Variants in SLC9A9 observed in about 807,000 individuals in gnomAD.
SLC9A9 encodes sodium/hydrogen exchanger 9.
SLC9A9 carries 62 observed loss-of-function variants against 77.8 expected under a neutral mutation model. That is an observed-to-expected ratio of 0.80 (90% confidence interval 0.65 to 0.98). The LOEUF (loss-of-function observed/expected upper bound fraction) is 0.98. Ranked by LOEUF, SLC9A9 falls within the 50% of genes least tolerant of loss-of-function variation. The pLI is 0.00. For missense variants in SLC9A9, 775 were observed against 774.9 expected (o/e 1.00, Z 0.00); for synonymous variants, 320 against 283.5 (o/e 1.13, Z -1.29).
chr3:143,778,341 C>G (rs550135004), intron 4 of SLC9A9, among the ~76,000 whole-genome samples: 1 of 152,292 alleles, frequency 6.6e-6, no homozygotes, highest in Admixed American at 6.5e-5. Context: ...TGTATTAACA[C>G]TACTCAAAAT....
At chr3:143,441,834 TCATCCATC>T (rs796090893) in intron 12 of SLC9A9, among the ~76,000 whole-genome samples, 175 of 129,710 alleles carry the variant, frequency 1.3e-3, no homozygotes, top group African/African-American at 4.4e-3. Flanking sequence ...ATTTACTCAT[TCATCCATC>T]CATCCATCCA....
At chr3:143,391,656 C>A (rs950680654) in intron 12 of SLC9A9, among the ~76,000 whole-genome samples, 3 of 152,150 alleles carry the variant, frequency 2.0e-5, no homozygotes, top group African/African-American at 7.2e-5. Context: ...CTTCTCCGAG[C>A]TAAAGGAGGA....
At chr3:143,445,706 G>A (rs1314408854) in intron 12 of SLC9A9, among the ~76,000 whole-genome samples, 1 of 152,168 alleles carries the variant, frequency 6.6e-6, no homozygotes, top group Non-Finnish European at 1.5e-5. Flanking sequence ...TGTGATATTA[G>A]GACTAGTTCC....
At chr3:143,786,798 G>A (rs1031606401) in intron 4 of SLC9A9, among the ~76,000 whole-genome samples, 3 of 152,204 alleles carry the variant, frequency 2.0e-5, no homozygotes, top group African/African-American at 7.2e-5. Context: ...GTAAATGAAT[G>A]CACAGAGGAA....
chr3:143,460,771 T>C (rs945618038), intron 12 of SLC9A9, among the ~76,000 whole-genome samples: 2 of 152,190 alleles, frequency 1.3e-5, no homozygotes, highest in African/African-American at 4.8e-5. Flanking sequence ...GAACTGCTAA[T>C]TCATAACAAT....
intron 12 of SLC9A9, among the ~76,000 whole-genome samples, chr3:143,403,954 TG>T (rs1006717876): frequency 9.9e-5 from 15 of 152,268 alleles, no homozygotes; most frequent in Non-Finnish European, 1.0e-4. Flanking sequence ...ATTACACACA[TG>T]TTGGTGTTCC....
chr3:143,828,707 G>T (rs966562172), intron 2 of SLC9A9, among the ~76,000 whole-genome samples: 7 of 152,128 alleles, frequency 4.6e-5, no homozygotes, highest in Non-Finnish European at 8.8e-5. Flanking sequence ...TATTCAAAGG[G>T]TAGACGTGAG....
chr3:143,265,842 TAG>T lies in SLC9A9; in HGVS notation c.*858_*859del, dbSNP rs984327748. On this transcript the variant is annotated 3_prime_UTR_variant, in exon 16 of 16. Transcript: ENST00000316549. ...GGCTCCTGCACAGTCTGCTGCCAGG[TAG>T]AGAGCAACACAGGCTGCAGAATCCT... 1.7e-5 allele frequency: 10 copies of T among 591,620 alleles called. No homozygotes were observed. Among genetic ancestry groups the T allele is most frequent in the East Asian group, 2.8e-5 (1 of 35,776 alleles). 36.6% of individuals were successfully genotyped at this position (591,620 alleles called of 1,614,324 possible).
chr3:143,560,608 TTTTAC>T (rs1559968034), intron 8 of SLC9A9, among the ~76,000 whole-genome samples: 1 of 152,152 alleles, frequency 6.6e-6, no homozygotes, highest in African/African-American at 2.4e-5. Flanking sequence ...TTTAAATTTT[TTTTAC>T]TTTACTTTAA....
chr3:143,768,846 T>C (rs2007417444), intron 4 of SLC9A9, among the ~76,000 whole-genome samples: 1 of 152,228 alleles, frequency 6.6e-6, no homozygotes, highest in South Asian at 2.1e-4. Flanking sequence ...CAACAGTGTG[T>C]ATAAATGTTT....
At chr3:143,340,014 C>G (rs868596443) in intron 14 of SLC9A9, among the ~76,000 whole-genome samples, 1 of 152,134 alleles carries the variant, frequency 6.6e-6, no homozygotes, top group Non-Finnish European at 1.5e-5. Flanking sequence ...GAGAACACAA[C>G]ACGAGAACTT....
intron 12 of SLC9A9, among the ~76,000 whole-genome samples, chr3:143,428,855 C>A (rs188202932): frequency 2.0e-5 from 3 of 152,202 alleles, no homozygotes; most frequent in Admixed American, 2.0e-4. Flanking sequence ...ATGTGGAGTC[C>A]AAACAGTTGA....
At chr3:143,732,589 TC>T (rs1934833974) in intron 4 of SLC9A9, among the ~76,000 whole-genome samples, 1 of 152,210 alleles carries the variant, frequency 6.6e-6, no homozygotes, top group Admixed American at 6.5e-5. Flanking sequence ...GAGGACAACC[TC>T]TGACCACTCT....
intron 4 of SLC9A9, among the ~76,000 whole-genome samples, chr3:143,703,378 A>G (rs1653324850): frequency 6.6e-6 from 1 of 151,968 alleles, no homozygotes; most frequent in Non-Finnish European, 1.5e-5. Context: ...TTCTCTGACC[A>G]TAATGGAATA....
intron 5 of SLC9A9, among the ~76,000 whole-genome samples, chr3:143,686,092 C>T (rs1361923318): frequency 1.3e-5 from 2 of 152,156 alleles, no homozygotes; most frequent in Non-Finnish European, 2.9e-5. Context: ...CATGAGACAC[C>T]TCATCCGCGA....
At chr3:143,291,610 C>A (rs990689078) in intron 14 of SLC9A9, among the ~76,000 whole-genome samples, 7 of 152,160 alleles carry the variant, frequency 4.6e-5, no homozygotes, top group Admixed American at 1.3e-4. Flanking sequence ...CAGGAAAGGA[C>A]AAACCCAACT....
At chr3:143,344,701 A>G (rs943707101) in intron 14 of SLC9A9, 13 of 152,212 alleles carry the variant, frequency 8.5e-5, no homozygotes, top group African/African-American at 3.1e-4. Flanking sequence ...TGAGGAGGTA[A>G]CAGAAATGGT....
chr3:143,606,640 C>A (rs528824349), intron 6 of SLC9A9, among the ~76,000 whole-genome samples: 7 of 149,742 alleles, frequency 4.7e-5, no homozygotes, highest in Non-Finnish European at 1.0e-4. Flanking sequence ...GGACTCTAGA[C>A]AATTTGAAAA....
intron 2 of SLC9A9, chr3:143,811,736 C>T: frequency 4.4e-6 from 2 of 454,760 alleles, no homozygotes; most frequent in South Asian, 1.6e-5. Flanking sequence ...GTGGCACACG[C>T]CTGTAATCCC....
Sources: allele counts gnomAD v4.1 joint callset (sites outside exome capture counted in the v4.1 genomes callset), GRCh38; gene constraint gnomAD v4.1.1; transcripts MANE v1.5; gene names NCBI Gene and HGNC (gene_info 2026-07-23, HGNC 2026-07-21).